DDC: variants seen among roughly 807,000 people sequenced by gnomAD.
DDC encodes the protein dopa decarboxylase.
DDC carries 43 observed loss-of-function variants against 60.0 expected under a neutral mutation model. The ratio of observed to expected loss-of-function variants is 0.72; its 90% CI spans 0.56 to 0.92. The LOEUF is 0.92. Ranked by LOEUF, DDC falls within the 40% of genes least tolerant of loss-of-function variation. DDC has a pLI of 0.00. For synonymous variants in DDC, 232 were observed against 234.6 expected, an observed-to-expected ratio of 0.99 and a Z score of 0.10; for missense variants, 573 against 620.2, an observed-to-expected ratio of 0.92 and a Z score of 0.81.
At position 50,532,087 on chromosome 7, in the gene DDC, C is replaced by T. The variant is rs114346450; in HGVS notation, c.436-2745G>A. On this transcript the variant is annotated intron_variant, in intron 4 of 14. Transcript: ENST00000444124. ...TGCCATTTGACTCAGACACGCATCA[C>T]TGCGCTGACGCCCACAGCTGTGATT... 5.2e-3 allele frequency among the ~76,000 whole-genome samples: 786 copies of T among 152,362 alleles called. 8 individuals are homozygous for T. Among genetic ancestry groups the T allele is most frequent in the African/African-American group, 0.018 (745 of 41,580 alleles).
chr7:50,461,126 G>T (rs2042265023), intron 14 of DDC, among the ~76,000 whole-genome samples: 1 of 151,730 alleles, frequency 6.6e-6, no homozygotes. Flanking sequence ...TGAATATAAA[G>T]AACGAACGTA....
rs374652761 is a variant in DDC at position 50,476,600 on chromosome 7, A to T, written c.1041+24T>A. 48 of 1,605,324 alleles carry T rather than the reference A, an allele frequency of 3.0e-5. No homozygotes were observed. The African/African-American group carries it at 5.9e-4, about 20-fold the overall frequency. On this transcript the variant is annotated intron_variant, in intron 11 of 14. Transcript: ENST00000444124. ...CCCCAGCACTCCACTAGCATTTGAGATTACAGTGGAATCTCCCACTTACCC... is the reference window on the plus strand; with the variant it reads ...CCCCAGCACTCCACTAGCATTTGAGTTTACAGTGGAATCTCCCACTTACCC...
At chr7:50,502,529 T>G (rs1464176063) in intron 7 of DDC, among the ~76,000 whole-genome samples, 1 of 152,248 alleles carries the variant, frequency 6.6e-6, no homozygotes, top group Non-Finnish European at 1.5e-5. Flanking sequence ...GCTGAGCTGA[T>G]GAAGGTTTGC....
chr7:50,474,672 C>T (rs2042603110), intron 11 of DDC, among the ~76,000 whole-genome samples: 1 of 152,104 alleles, frequency 6.6e-6, no homozygotes. Context: ...GGGATTGTGC[C>T]CCAGGCCTTT....
chr7:50,460,920 C>T (rs1211672792), intron 14 of DDC, among the ~76,000 whole-genome samples: 7 of 151,612 alleles, frequency 4.6e-5, no homozygotes, highest in Admixed American at 6.6e-5. Flanking sequence ...TGCGGAAGGC[C>T]GCAGGGTCCT....
intron 10 of DDC, among the ~76,000 whole-genome samples, chr7:50,478,233 G>T (rs2042691965): frequency 6.6e-6 from 1 of 151,554 alleles, no homozygotes; most frequent in Non-Finnish European, 1.5e-5. Context: ...AATTGTCAAA[G>T]AACCAGATGA....
chr7:50,527,246 C>A (rs1022927312), intron 6 of DDC, among the ~76,000 whole-genome samples: 1 of 152,082 alleles, frequency 6.6e-6, no homozygotes, highest in East Asian at 1.9e-4. Flanking sequence ...CAGCATTTGT[C>A]TTTTTATTTC....
At chr7:50,540,205 T>C (rs925541555) in intron 2 of DDC, 177 bp from the exon 3 acceptor site, 7 of 652,700 alleles carry the variant, frequency 1.1e-5, no homozygotes, top group Middle Eastern at 3.9e-4. Flanking sequence ...TTTCGGAGCA[T>C]TTACACATCA....
intron 6 of DDC, among the ~76,000 whole-genome samples, chr7:50,518,689 T>C (rs1298659865): frequency 1.3e-5 from 2 of 152,182 alleles, no homozygotes; most frequent in Non-Finnish European, 2.9e-5. Context: ...TAGCCACATG[T>C]AGGAGAATGA....
At chr7:50,540,777 GGGA>G (rs2044604003) in intron 2 of DDC, among the ~76,000 whole-genome samples, 1 of 152,222 alleles carries the variant, frequency 6.6e-6, no homozygotes, top group Admixed American at 6.5e-5. Flanking sequence ...ATGTGGGCCA[GGGA>G]GGAGATCCAT....
At chr7:50,539,507 C>T (rs563870377) in intron 3 of DDC, among the ~76,000 whole-genome samples, 87 of 152,210 alleles carry the variant, frequency 5.7e-4, no homozygotes, top group African/African-American at 1.7e-3. Context: ...AGCCTCTCCC[C>T]AGGCAGCAGC....
intron 1 of DDC, among the ~76,000 whole-genome samples, chr7:50,548,533 A>G (rs2044879817): frequency 6.6e-6 from 1 of 152,234 alleles, no homozygotes; most frequent in South Asian, 2.1e-4. Flanking sequence ...GCCAAAGCGT[A>G]ATCCAGAGTA....
At chr7:50,558,747 A>C (rs1184457015) in intron 1 of DDC, among the ~76,000 whole-genome samples, 1 of 152,086 alleles carries the variant, frequency 6.6e-6, no homozygotes, top group Non-Finnish European at 1.5e-5. Flanking sequence ...TTACACCTCC[A>C]CTGTCAGCTG....
At chr7:50,468,133 C>T (rs902065738) in intron 12 of DDC, among the ~76,000 whole-genome samples, 8 of 152,252 alleles carry the variant, frequency 5.3e-5, no homozygotes, top group East Asian at 1.9e-4. Context: ...TGCGGAAACG[C>T]GGCGCCTCGC....
At chr7:50,547,712 G>A (rs943066960) in intron 1 of DDC, among the ~76,000 whole-genome samples, 2 of 152,156 alleles carry the variant, frequency 1.3e-5, no homozygotes. Flanking sequence ...GTCACACCCT[G>A]ATTCTATGTA....
intron 9 of DDC, among the ~76,000 whole-genome samples, chr7:50,482,894 GT>G (rs1257147612): frequency 1.3e-5 from 2 of 152,012 alleles, no homozygotes; most frequent in African/African-American, 4.8e-5. Flanking sequence ...ATCTTGCTGG[GT>G]TCTTTTATTA....
At chr7:50,505,587 T>G (rs1029659837) in intron 6 of DDC, among the ~76,000 whole-genome samples, 1 of 152,232 alleles carries the variant, frequency 6.6e-6, no homozygotes, top group African/African-American at 2.4e-5. Flanking sequence ...CTTTTCCTTT[T>G]AGAGAGAGAC....
chr7:50,482,108 T>C (rs746561097), intron 9 of DDC, among the ~76,000 whole-genome samples: 47 of 152,160 alleles, frequency 3.1e-4, no homozygotes, highest in Non-Finnish European at 5.1e-4. Flanking sequence ...TAGCACAAGG[T>C]GAGCTATGTT....
intron 6 of DDC, among the ~76,000 whole-genome samples, chr7:50,504,696 G>T (rs114518446): frequency 0.014 from 2,060 of 151,826 alleles, 39 homozygotes; most frequent in African/African-American, 0.042. Flanking sequence ...AGTTTGGGGG[G>T]GTGTGTGTGT....
Sources: gnomAD v4.1 joint callset for allele counts (sites outside exome capture counted in the v4.1 genomes callset) on GRCh38, gnomAD v4.1.1 for gene constraint, MANE v1.5 for transcripts, NCBI Gene and HGNC (gene_info 2026-07-23, HGNC 2026-07-21) for gene names.